The following FSD1L variants were observed in gnomAD, a reference collection of about 807,000 sequenced individuals.
FSD1L encodes FSD1-like protein.
Under a neutral mutation model 71.6 loss-of-function variants are expected in FSD1L, and 45 were observed. The observed-to-expected ratio is 0.63, with a 90% confidence interval of 0.49 to 0.81. FSD1L has a LOEUF of 0.81. Ranked by LOEUF, FSD1L falls within the 30% of genes least tolerant of loss-of-function variation. The pLI, the probability that FSD1L is intolerant of heterozygous loss-of-function variation, is 0.00. For synonymous variants in FSD1L, 197 were observed against 207.2 expected, an observed-to-expected ratio of 0.95 and a Z score of 0.42; for missense variants, 561 against 618.1, an observed-to-expected ratio of 0.91 and a Z score of 0.98.
At chr9:105,526,462 T>C in intron 10 of FSD1L, 10 of 1,612,644 alleles carry the variant, frequency 6.2e-6, no homozygotes, top group Non-Finnish European at 8.5e-6. Context: ...CTCCAATGTC[T>C]CCTCGAACTA....
intron 1 of FSD1L, among the ~76,000 whole-genome samples, chr9:105,452,656 TGCCTG>T (rs1422985067): frequency 9.9e-4 from 131 of 131,868 alleles, no homozygotes; most frequent in African/African-American, 3.5e-3. Flanking sequence ...CCTGCCTGCC[TGCCTG>T]CCTGCCTGCC....
intron 4 of FSD1L, 91 bp downstream of exon 4, chr9:105,468,415 A>T: frequency 1.0e-6 from 1 of 968,678 alleles, no homozygotes; most frequent in Non-Finnish European, 1.5e-6. Context: ...TTCTAAGTAT[A>T]ACTATACCCT....
At chr9:105,454,623 G>A (rs895266408) in intron 1 of FSD1L, among the ~76,000 whole-genome samples, 12 of 152,116 alleles carry the variant, frequency 7.9e-5, no homozygotes, top group African/African-American at 2.2e-4. Context: ...TTCTTTGGCC[G>A]ACTATGAGCC....
chr9:105,509,099 G>A (rs1489732486), intron 9 of FSD1L, among the ~76,000 whole-genome samples: 1 of 152,094 alleles, frequency 6.6e-6, no homozygotes, highest in Non-Finnish European at 1.5e-5. Context: ...CTGTTTTCCT[G>A]TATCTTATTG....
intron 10 of FSD1L, among the ~76,000 whole-genome samples, chr9:105,519,348 CA>C (rs905730656): frequency 6.6e-6 from 1 of 151,442 alleles, no homozygotes; most frequent in African/African-American, 2.4e-5. Context: ...AGAGACACAA[CA>C]AAAAAAAATT....
At position 105,477,823 on chromosome 9, in the gene FSD1L, G is replaced by A. The variant is rs528070224; in HGVS notation, c.442-1531G>A. Among the ~76,000 whole-genome samples the A allele has an allele frequency of 1.8e-4, 27 of 152,264 alleles. 3 individuals are homozygous for A. The highest frequency in any genetic ancestry group is 1.0e-3 in the Admixed American group (16 of 15,294). ...CAGAATTTGTTTGTTTGTGTAGCAC[G>A]TGGGAATGATTTTCGGAAACATTAA... On this transcript the variant is annotated intron_variant, in intron 5 of 13. Transcript: ENST00000481272.
At chr9:105,495,064 A>C (rs1294786170) in intron 7 of FSD1L, among the ~76,000 whole-genome samples, 1 of 152,150 alleles carries the variant, frequency 6.6e-6, no homozygotes, top group East Asian at 1.9e-4. Context: ...TGCAGAGGTT[A>C]CTGCTGTCTT....
chr9:105,511,403 C>T (rs1464648178), intron 9 of FSD1L, among the ~76,000 whole-genome samples: 3 of 152,070 alleles, frequency 2.0e-5, no homozygotes, highest in African/African-American at 7.2e-5. Flanking sequence ...TACCTAGTAG[C>T]TCACATATAG....
intron 6 of FSD1L, among the ~76,000 whole-genome samples, chr9:105,480,509 C>T (rs937906561): frequency 3.2e-4 from 48 of 152,288 alleles, no homozygotes; most frequent in African/African-American, 1.1e-3. Context: ...CCAGGCTGGT[C>T]TGGAATGCCT....
At chr9:105,536,319 C>T (rs191636966) in intron 12 of FSD1L, among the ~76,000 whole-genome samples, 28 of 152,298 alleles carry the variant, frequency 1.8e-4, no homozygotes, top group Non-Finnish European at 1.0e-4. Flanking sequence ...TAAAAACTTT[C>T]TTGCCCTGTT....
At chr9:105,443,459 C>T (rs900869120), upstream of FSD1L, among the ~76,000 whole-genome samples, 22 of 152,166 alleles carry the variant, frequency 1.4e-4, no homozygotes, top group African/African-American at 5.1e-4. Flanking sequence ...CCTCCCACAA[C>T]ACATGGGAAT....
At chr9:105,496,540 T>C (rs1449045285) in intron 7 of FSD1L, among the ~76,000 whole-genome samples, 1 of 152,258 alleles carries the variant, frequency 6.6e-6, no homozygotes, top group Non-Finnish European at 1.5e-5. Context: ...GGAATGTCTC[T>C]ACATTGATTT....
chr9:105,524,624 A>G, intron 10 of FSD1L: 1 of 1,613,934 alleles, frequency 6.2e-7, no homozygotes, highest in Non-Finnish European at 8.5e-7. Flanking sequence ...CTGATTTGGC[A>G]TCTGTAGATT....
chr9:105,477,552 A>G (rs1446633976), intron 5 of FSD1L, among the ~76,000 whole-genome samples: 4 of 152,208 alleles, frequency 2.6e-5, no homozygotes, highest in Non-Finnish European at 5.9e-5. Flanking sequence ...CCATTATCAG[A>G]TAAGTCATAT....
At chr9:105,544,271 G>A (rs1836829767) in intron 13 of FSD1L, among the ~76,000 whole-genome samples, 1 of 152,022 alleles carries the variant, frequency 6.6e-6, no homozygotes, top group East Asian at 1.9e-4. Context: ...ACTTTTTGAT[G>A]GGGTTGTTTT....
At chr9:105,474,690 T>A (rs550805057) in intron 5 of FSD1L, among the ~76,000 whole-genome samples, 1 of 152,218 alleles carries the variant, frequency 6.6e-6, no homozygotes, top group Non-Finnish European at 1.5e-5. Context: ...TAAATGAGAT[T>A]AATATGAATG....
At chr9:105,520,632 G>A in intron 10 of FSD1L, 1 of 1,607,374 alleles carries the variant, frequency 6.2e-7, no homozygotes, top group South Asian at 1.1e-5. Flanking sequence ...GATTAGGCGG[G>A]AAGGTGTTCG....
At chr9:105,491,050 T>G (rs1183858188) in intron 7 of FSD1L, among the ~76,000 whole-genome samples, 3 of 152,122 alleles carry the variant, frequency 2.0e-5, no homozygotes, top group East Asian at 1.9e-4. Flanking sequence ...AAGAAAGTCA[T>G]TGGTAGCTTG....
chr9:105,464,394 A>G (rs930800498), intron 3 of FSD1L, 63 bp downstream of exon 3: 3 of 668,840 alleles, frequency 4.5e-6, no homozygotes, highest in African/African-American at 1.9e-5. Context: ...CTGAAGTACA[A>G]ATATACTCTA....
Sources: allele counts gnomAD v4.1 joint callset (sites outside exome capture counted in the v4.1 genomes callset), GRCh38; gene constraint gnomAD v4.1.1; transcripts MANE v1.5; gene names NCBI Gene and HGNC (gene_info 2026-07-23, HGNC 2026-07-21).